The following MAP3K4 variants were observed in gnomAD, a reference collection of about 807,000 sequenced individuals.
MAP3K4 encodes the protein mitogen-activated protein kinase kinase kinase 4.
MAP3K4 carries 67 observed loss-of-function variants against 185.6 expected under a neutral mutation model. The ratio of observed to expected loss-of-function variants is 0.36; its 90% confidence interval spans 0.30 to 0.44. MAP3K4 has a LOEUF of 0.44. Ranked by LOEUF, MAP3K4 falls within the 20% of genes least tolerant of loss-of-function variation. The pLI, the probability that MAP3K4 is intolerant of heterozygous loss-of-function variation, is 1.00. For synonymous variants in MAP3K4, 702 were observed against 710.4 expected, an observed-to-expected ratio of 0.99 and a Z score of 0.19; for missense variants, 1,551 against 1,995.1, an observed-to-expected ratio of 0.78 and a Z score of 4.24.
At chr6:161,081,938 A>C (rs560663892) in intron 6 of MAP3K4, among the ~76,000 whole-genome samples, 1 of 152,306 alleles carries the variant, frequency 6.6e-6, no homozygotes, top group East Asian at 1.9e-4. Flanking sequence ...CTCTTGTATT[A>C]GAGCAGCAGC....
intron 2 of MAP3K4, among the ~76,000 whole-genome samples, chr6:161,045,326 T>G (rs1224096204): frequency 1.3e-5 from 2 of 152,208 alleles, no homozygotes; most frequent in Non-Finnish European, 2.9e-5. Flanking sequence ...CATTGCTTTA[T>G]CTGAACACAA....
At position 161,017,625 on chromosome 6, in the gene MAP3K4, G is replaced by T. The variant is rs77375615; in HGVS notation, c.153-16634G>T. ...AGGTTAAATTTTCACAAAATAAATGGGTTGAATTTGACTATCTGTAAGTGT... is the reference window on the plus strand; with the variant it reads ...AGGTTAAATTTTCACAAAATAAATGTGTTGAATTTGACTATCTGTAAGTGT... On this transcript the variant is annotated intron_variant, in intron 1 of 26. Transcript: ENST00000392142. The surrounding 1 kb of genome is among the most constrained non-coding windows in gnomAD (Gnocchi z 5.1). 0.038 allele frequency among the ~76,000 whole-genome samples: 5,823 copies of T among 152,176 alleles called. 148 individuals are homozygous for T. Among genetic ancestry groups the T allele is most frequent in the South Asian group, 0.069 (332 of 4,824 alleles).
intron 1 of MAP3K4, among the ~76,000 whole-genome samples, chr6:161,031,477 C>T (rs573150867): frequency 6.6e-6 from 1 of 152,256 alleles, no homozygotes; most frequent in Non-Finnish European, 1.5e-5. Flanking sequence ...GCATGTAGAT[C>T]CCACAAAGGT....
intron 1 of MAP3K4, among the ~76,000 whole-genome samples, chr6:161,019,028 A>C (rs1782245203): frequency 6.6e-6 from 1 of 152,238 alleles, no homozygotes; most frequent in African/African-American, 2.4e-5. Context: ...GGAAAAGTGT[A>C]CCAGAATACC....
chr6:161,001,188 T>C (rs1289986346), intron 1 of MAP3K4, among the ~76,000 whole-genome samples: 1 of 148,854 alleles, frequency 6.7e-6, no homozygotes, highest in Non-Finnish European at 1.5e-5. Flanking sequence ...ATATAAGAAA[T>C]CCAAATCCAA....
rs913004002 is a variant in MAP3K4 at position 161,074,795 on chromosome 6, G to A, written c.2097+1183G>A. Among the ~76,000 whole-genome samples the A allele has an allele frequency of 2.0e-5, 3 of 152,222 alleles. No homozygotes were observed. Among genetic ancestry groups the A allele is most frequent in the African/African-American group, 7.2e-5 (3 of 41,444 alleles). ...TACTGTGTCCTGCCTAAGGATGGCTGCAGCACCTACAGATACCACTCTCAC... is the reference window on the plus strand; with the variant it reads ...TACTGTGTCCTGCCTAAGGATGGCTACAGCACCTACAGATACCACTCTCAC... On this transcript the variant is annotated intron_variant, in intron 5 of 26. Transcript: ENST00000392142. This position sits in a 1 kb window ranked among gnomAD's most constrained non-coding sequence, Gnocchi z 5.0.
chr6:161,006,295 C>G (rs909561073), intron 1 of MAP3K4, among the ~76,000 whole-genome samples: 3 of 152,132 alleles, frequency 2.0e-5, no homozygotes, highest in Admixed American at 2.0e-4. Flanking sequence ...GCTGGCCTTT[C>G]GTATCTGTGG....
chr6:161,117,022 T>A lies in MAP3K4; in HGVS notation c.*152T>A, dbSNP rs1293246135. ...CAAGCGTCACTTCTCCTGCTGCTCC[T>A]GTTTGTCTGATGTGGCAAAAGGCCC... On this transcript the variant is annotated 3_prime_UTR_variant, in exon 27 of 27. Coordinates refer to ENST00000392142, the MANE Select transcript of MAP3K4 (RefSeq NM_005922.4). 6 of 713,956 alleles carry A rather than the reference T, an allele frequency of 8.4e-6. No individual in the cohort carries two copies. The Admixed American group carries it at 1.3e-4, about 16-fold the overall frequency. The allele number at this position is 713,956 out of a possible 1,614,324, so 44.2% of individuals were successfully genotyped here. A position where few individuals can be genotyped will look rare whatever the true frequency, so the allele number is the denominator to read the frequency against.
rs1777666481 is a variant in MAP3K4 at position 161,098,336 on chromosome 6, GC to G, written c.3584del (p.Ala1195ValfsTer44). On this transcript the variant is annotated frameshift_variant, in exon 17 of 27. Coordinates refer to ENST00000392142, the MANE Select transcript of MAP3K4 (RefSeq NM_005922.4). LOFTEE classifies it high-confidence loss of function. This position sits in a 1 kb window ranked among gnomAD's most constrained non-coding sequence, Gnocchi z 4.4. ...TGGCAGCCCTGCTGCTGCTGCTGCT[GC>G]TGCTGCTGCTGCTGTTGCTGCCAGT... ...SHGSPAAAAA[A>X]AAAAVAASRP... 9.3e-6 allele frequency: 15 copies of G among 1,611,996 alleles called. No individual in the cohort carries two copies. Among genetic ancestry groups the G allele is most frequent in the African/African-American group, 1.3e-5 (1 of 74,834 alleles).
rs142438116 is a variant in MAP3K4, at chr6:161,029,767, C to T, written c.153-4492C>T. ...TACAAAATGAGGTTTTGGATGCTTA[C>T]GGTTAGTTAATTGAAATGATGCAAG... On this transcript the variant is annotated intron_variant, in intron 1 of 26. Transcript: ENST00000392142. 3.6e-3 allele frequency among the ~76,000 whole-genome samples: 554 copies of T among 152,156 alleles called. 4 individuals carry two copies. Among genetic ancestry groups the T allele is most frequent in the African/African-American group, 0.012 (515 of 41,516 alleles).
intron 15 of MAP3K4, among the ~76,000 whole-genome samples, chr6:161,094,672 C>T (rs901342302): frequency 6.6e-6 from 1 of 152,152 alleles, no homozygotes; most frequent in Admixed American, 6.5e-5. Flanking sequence ...TTGCTGGCTG[C>T]AGAAAATTCA....
rs139092692 is a variant in MAP3K4 at position 161,052,918 on chromosome 6, C to T, written c.1707+2939C>T. 9.1e-3 allele frequency among the ~76,000 whole-genome samples: 1,382 copies of T among 152,206 alleles called. 24 individuals are homozygous for T. Among genetic ancestry groups the T allele is most frequent in the African/African-American group, 0.031 (1,270 of 41,520 alleles). On this transcript the variant is annotated intron_variant, in intron 3 of 26. Coordinates refer to ENST00000392142, the MANE Select transcript of MAP3K4 (RefSeq NM_005922.4). ...GTTGTGGATAGGAATCTTTCTGACT[C>T]GAAGCCTTTGCATTTATAGAGTGGG...
chr6:161,098,345 GCT>G lies in MAP3K4; in HGVS notation c.3593_3594del (p.Ala1198GlyfsTer13). ...SPAAAAAAAA[A>X]AVAASRPSPS... ...TGCTGCTGCTGCTGCTGCTGCTGCT[GCT>G]GCTGTTGCTGCCAGTCGGCCCAGCC... On this transcript the variant is annotated frameshift_variant, in exon 17 of 27. Coordinates refer to ENST00000392142, the MANE Select transcript of MAP3K4 (RefSeq NM_005922.4). LOFTEE classifies it high-confidence loss of function. This position sits in a 1 kb window ranked among gnomAD's most constrained non-coding sequence, Gnocchi z 4.4. 6.2e-7 allele frequency: 1 copy of G among 1,613,168 alleles called. No homozygotes were observed. The highest frequency in any genetic ancestry group is 8.5e-7 in the Non-Finnish European group (1 of 1,179,810).
At position 160,991,822 on chromosome 6, in the gene MAP3K4, G is replaced by T. The variant is rs971326859; in HGVS notation, c.-110G>T. ...CCGCGGCGCGCACGGCTCCTGCGGC[G>T]GGGTAGAGGCGGAGGCGGAGTCGAG... On this transcript the variant is annotated 5_prime_UTR_variant, in exon 1 of 27. Transcript: ENST00000392142. This position sits in a 1 kb window ranked among gnomAD's most constrained non-coding sequence, Gnocchi z 5.7. 6 of 1,230,782 alleles carry T rather than the reference G, an allele frequency of 4.9e-6. No homozygotes were observed. Among genetic ancestry groups the T allele is most frequent in the South Asian group, 2.0e-5 (1 of 51,030 alleles). 76.2% of individuals were successfully genotyped at this position (1,230,782 alleles called of 1,614,324 possible).
At chr6:161,089,273 AC>A (rs1339109271) in intron 10 of MAP3K4, 48 bp from the exon 11 acceptor site, 1 of 1,584,930 alleles carries the variant, frequency 6.3e-7, no homozygotes, top group African/African-American at 1.3e-5. Flanking sequence ...TAGAATAACA[AC>A]TAGTAACTGG....
chr6:161,003,277 T>C (rs990446162), intron 1 of MAP3K4, among the ~76,000 whole-genome samples: 1 of 152,012 alleles, frequency 6.6e-6, no homozygotes, highest in Non-Finnish European at 1.5e-5. Flanking sequence ...AAAAGCATAT[T>C]CTAAATTGTA....
Position 161,076,891 on chromosome 6 carries a change from G to A in MAP3K4, c.2097+3279G>A, listed in dbSNP as rs1463280287. On this transcript the variant is annotated intron_variant, in intron 5 of 26. Coordinates refer to ENST00000392142, the MANE Select transcript of MAP3K4 (RefSeq NM_005922.4). This position sits in a 1 kb window ranked among gnomAD's most constrained non-coding sequence, Gnocchi z 4.2. ...AACTCCCTCTTAGAGTTTAAGAATA[G>A]GGGGGTCCATGGTGATTGTAGAACC... Among the ~76,000 whole-genome samples, 4 of 152,274 alleles carry A rather than the reference G, an allele frequency of 2.6e-5. No individual in the cohort carries two copies. The South Asian group carries it at 8.3e-4, about 32-fold the overall frequency.
chr6:161,092,972 T>TAAC lies in MAP3K4; in HGVS notation c.3270-5_3270-4insACA. 3 of 1,606,812 alleles carry TAAC rather than the reference T, an allele frequency of 1.9e-6. No homozygotes were observed. The highest frequency in any genetic ancestry group is 1.7e-4 in the Middle Eastern group (1 of 6,052). ...TATGTGATTACTGAACTTTTTCGTG[T>TAAC]ACCAGGTGGGCGACTCAAGGATTTG... On this transcript the variant is annotated splice_region_variant and splice_polypyrimidine_tract_variant and intron_variant, in intron 13 of 26. Transcript: ENST00000392142.
chr6:161,042,791 C>T (rs566100168), intron 2 of MAP3K4, among the ~76,000 whole-genome samples: 98 of 152,196 alleles, frequency 6.4e-4, no homozygotes, highest in African/African-American at 2.3e-3. Flanking sequence ...CATTGCTGGG[C>T]GATCATTGTC....
Sources: gnomAD v4.1 joint callset for allele counts (sites outside exome capture counted in the v4.1 genomes callset) on GRCh38, gnomAD v4.1.1 for gene constraint, Gnocchi (gnomAD v3.1) non-coding constraint, MANE v1.5 for transcripts, NCBI Gene and HGNC (gene_info 2026-07-23, HGNC 2026-07-21) for gene names.